The following ABCB1 variants were observed in gnomAD, a reference collection of about 807,000 sequenced individuals.
The protein encoded by ABCB1 is ATP-dependent translocase ABCB1.
Under a neutral mutation model 142.0 loss-of-function variants are expected in ABCB1, and 69 were observed. That is an observed-to-expected ratio of 0.49 (90% CI 0.40 to 0.59). The LOEUF (loss-of-function observed/expected upper bound fraction) is 0.59, where lower values mean the gene tolerates loss of function less well. Ranked by LOEUF, ABCB1 falls within the 20% of genes least tolerant of loss-of-function variation. ABCB1 has a pLI of 0.00. For missense variants in ABCB1, 1,326 were observed against 1,554.7 expected, an observed-to-expected ratio of 0.85 and a Z score of 2.47; for synonymous variants, 532 against 539.2, an observed-to-expected ratio of 0.99 and a Z score of 0.18.
intron 21 of ABCB1, chr7:87,521,766 C>A: frequency 1.2e-6 from 1 of 840,444 alleles, no homozygotes; most frequent in Non-Finnish European, 2.0e-6. Flanking sequence ...CAGATGCCCA[C>A]CCAACTGTGA....
At position 87,541,980 on chromosome 7, in the gene ABCB1, G is replaced by A. The variant is rs538900656; in HGVS notation, c.2212-516C>T. 5.9e-5 allele frequency among the ~76,000 whole-genome samples: 9 copies of A among 152,276 alleles called. No homozygotes were observed. The South Asian group carries it at 1.9e-3, about 32-fold the overall frequency. ...TTAAGAGAGCCAGTTGGAAACTACAGCTACCTGACCTAGCACCATACCTGA... is the reference window on the plus strand; with the variant it reads ...TTAAGAGAGCCAGTTGGAAACTACAACTACCTGACCTAGCACCATACCTGA... On this transcript the variant is annotated intron_variant, in intron 17 of 27. Transcript: ENST00000622132.
chr7:87,709,256 A>G (rs899597885), intron 1 of ABCB1: 11 of 985,252 alleles, frequency 1.1e-5, no homozygotes, highest in Non-Finnish European at 1.2e-6. Context: ...TCCTGTGCTG[A>G]ATTGTCTCTG....
chr7:87,645,578 A>G (rs1313185362), intron 1 of ABCB1, among the ~76,000 whole-genome samples: 1 of 152,206 alleles, frequency 6.6e-6, no homozygotes, highest in Non-Finnish European at 1.5e-5. Context: ...TTAGACATTC[A>G]TCAAATTGTC....
upstream of ABCB1, chr7:87,601,015 C>G (rs1584915362): frequency 6.6e-6 from 1 of 152,266 alleles, no homozygotes. Context: ...AATGCTGATT[C>G]CTCGAGAAAC....
intron 1 of ABCB1, among the ~76,000 whole-genome samples, chr7:87,673,477 A>C (rs1826029340): frequency 6.6e-6 from 1 of 152,132 alleles, no homozygotes; most frequent in South Asian, 2.1e-4. Context: ...TCAAGCATTG[A>C]GATTCTTTCC....
intron 19 of ABCB1, 72 bp downstream of exon 19, chr7:87,539,196 C>CCACT: frequency 6.7e-7 from 1 of 1,483,652 alleles, no homozygotes. Context: ...GACAGAGCTC[C>CCACT]CACTGTCTGA....
chr7:87,656,428 A>T (rs1407022178), intron 1 of ABCB1, among the ~76,000 whole-genome samples: 1 of 152,116 alleles, frequency 6.6e-6, no homozygotes, highest in African/African-American at 2.4e-5. Context: ...TGAGGACTGG[A>T]ACGATGCAGA....
Position 87,571,620 on chromosome 7 carries a change from A to G in ABCB1, c.287-1397T>C, listed in dbSNP as rs79271559. Among the ~76,000 whole-genome samples, 244 of 152,354 alleles carry G rather than the reference A, an allele frequency of 1.6e-3. 5 individuals carry two copies. In the East Asian group the frequency reaches 0.038, roughly 24 times the overall value. On this transcript the variant is annotated intron_variant, in intron 4 of 27. Transcript: ENST00000622132. ...AATGATCAAAACATCAAGCCTAAGC[A>G]TTTGGAGAATGCTAGTGTCATGGTG...
At chr7:87,599,786 T>A (rs1819369279) in intron 2 of ABCB1, among the ~76,000 whole-genome samples, 1 of 152,216 alleles carries the variant, frequency 6.6e-6, no homozygotes, top group Non-Finnish European at 1.5e-5. Flanking sequence ...GAAATATACC[T>A]AAGGTGATGT....
intron 17 of ABCB1, 41 bp from the exon 18 acceptor site, chr7:87,541,505 A>T (rs1192877081): frequency 7.3e-7 from 1 of 1,378,708 alleles, no homozygotes; most frequent in Non-Finnish European, 1.0e-6. Flanking sequence ...TCAATCAGTG[A>T]AGAACCCATC....
chr7:87,579,316 G>A (rs1254924671), intron 4 of ABCB1, among the ~76,000 whole-genome samples: 1 of 152,118 alleles, frequency 6.6e-6, no homozygotes, highest in African/African-American at 2.4e-5. Flanking sequence ...TGAAGGAAAG[G>A]CTTTCAGTTT....
intron 8 of ABCB1, among the ~76,000 whole-genome samples, chr7:87,558,716 C>G (rs924344568): frequency 2.0e-5 from 3 of 151,978 alleles, no homozygotes; most frequent in African/African-American, 4.8e-5. Context: ...TGTTTCACCA[C>G]TAAATGTTTC....
intron 1 of ABCB1, among the ~76,000 whole-genome samples, chr7:87,673,147 A>AT (rs1327706836): frequency 4.6e-5 from 7 of 151,838 alleles, no homozygotes; most frequent in African/African-American, 1.5e-4. Flanking sequence ...TGCCTTTAAC[A>AT]TTTTTTCTTT....
intron 1 of ABCB1, among the ~76,000 whole-genome samples, chr7:87,626,624 CAT>C (rs1358611465): frequency 4.6e-3 from 30 of 6,568 alleles, no homozygotes; most frequent in Non-Finnish European, 5.9e-3. Context: ...ATATATGTGT[CAT>C]ATATATGTGT....
chr7:87,626,351 A>ATATGTGTCGTATATGTGTCATATG lies in ABCB1; in HGVS notation c.-330-25274_-330-25273insCATATGACACATATACGACACATA, dbSNP rs1563080414. On this transcript the variant is annotated intron_variant, in intron 1 of 28. Transcript: ENST00000265724. ...TATATGTGTCGTATATGTGTCATAT[A>ATATGTGTCGTATATGTGTCATATG]TATGTGTCATATATATGTGTCATAT... 2.6e-4 allele frequency among the ~76,000 whole-genome samples: 8 copies of ATATGTGTCGTATATGTGTCATATG among 30,808 alleles called. 3 individuals carry two copies. The highest frequency in any genetic ancestry group is 5.1e-4 in the African/African-American group (2 of 3,942). 20.2% of individuals were successfully genotyped at this position (30,808 alleles called of 152,430 possible).
At chr7:87,637,179 CTA>C (rs1821864318) in intron 1 of ABCB1, among the ~76,000 whole-genome samples, 1 of 152,172 alleles carries the variant, frequency 6.6e-6, no homozygotes, top group Non-Finnish European at 1.5e-5. Context: ...CACAGCCAAA[CTA>C]TATCAACCAT....
chr7:87,571,550 C>T (rs1378108338), intron 4 of ABCB1, among the ~76,000 whole-genome samples: 1 of 151,944 alleles, frequency 6.6e-6, no homozygotes, highest in African/African-American at 2.4e-5. Context: ...AGTTACAGGA[C>T]TTAGCAACTG....
At chr7:87,516,729 T>G in intron 23 of ABCB1, 64 bp from the exon 24 acceptor site, 13 of 925,326 alleles carry the variant, frequency 1.4e-5, no homozygotes, top group Non-Finnish European at 1.9e-5. Context: ...AAGCTGACAC[T>G]CCTTTTTTTT....
chr7:87,577,944 T>C (rs1456441149), intron 4 of ABCB1, among the ~76,000 whole-genome samples: 1 of 152,202 alleles, frequency 6.6e-6, no homozygotes, highest in Non-Finnish European at 1.5e-5. Context: ...TTGTCCATTT[T>C]TGTTTTGGTT....
Sources: allele counts gnomAD v4.1 joint callset (sites outside exome capture counted in the v4.1 genomes callset), GRCh38; gene constraint gnomAD v4.1.1; transcripts MANE v1.5; gene names NCBI Gene and HGNC (gene_info 2026-07-23, HGNC 2026-07-21).